The following PAK3 variants were observed in gnomAD, a reference collection of about 807,000 sequenced individuals.
PAK3 encodes the protein p21 (RAC1) activated kinase 3, also known as serine/threonine-protein kinase PAK 3.
In PAK3, 4 loss-of-function variants were observed where a neutral mutation model predicts 41.0. The ratio of observed to expected loss-of-function variants is 0.10; its 90% CI spans 0.05 to 0.22. The LOEUF (loss-of-function observed/expected upper bound fraction) is 0.22. Among genes scored for constraint, PAK3 ranks in the 10% least tolerant of loss-of-function variants. PAK3 has a pLI of 1.00. For synonymous variants in PAK3, 146 were observed against 139.6 expected (o/e 1.05, Z -0.32); for missense variants, 205 against 409.9 (o/e 0.50, Z 4.32).
chrX:111,185,995 A>C (rs898451935), intron 11 of PAK3, among the ~76,000 whole-genome samples: 2 of 111,383 alleles, frequency 1.8e-5, no homozygotes, highest in Non-Finnish European at 3.8e-5. Flanking sequence ...TCAACATACA[A>C]AAATCAATAA....
At chrX:110,996,598 T>C (rs2091744376) in intron 1 of PAK3, among the ~76,000 whole-genome samples, 1 of 111,444 alleles carries the variant, frequency 9.0e-6, no homozygotes. Context: ...ATGGGATTAG[T>C]GCCTTGATAA....
intron 1 of PAK3, among the ~76,000 whole-genome samples, chrX:111,016,521 A>T (rs2092092350): frequency 9.0e-6 from 1 of 111,086 alleles, no homozygotes; most frequent in Non-Finnish European, 1.9e-5. Flanking sequence ...GTGTACATAT[A>T]TATGTGCACA....
intron 1 of PAK3, among the ~76,000 whole-genome samples, chrX:110,988,254 T>A (rs754704756): frequency 3.6e-5 from 4 of 111,877 alleles, no homozygotes; most frequent in Non-Finnish European, 7.5e-5. Flanking sequence ...TTGGAAACCA[T>A]TGGTGTAGAG....
chrX:110,950,083 G>T (rs1321982605), intron 1 of PAK3, among the ~76,000 whole-genome samples: 2 of 110,299 alleles, frequency 1.8e-5, no homozygotes, highest in Non-Finnish European at 3.8e-5. Flanking sequence ...GGGAGTGGGG[G>T]CTGGACATTG....
intron 1 of PAK3, among the ~76,000 whole-genome samples, chrX:111,068,264 T>C (rs1195389750): frequency 8.9e-6 from 1 of 111,781 alleles, no homozygotes; most frequent in Non-Finnish European, 1.9e-5. Context: ...TGTTTTTATC[T>C]TAATCTCTCC....
intron 1 of PAK3, among the ~76,000 whole-genome samples, chrX:111,029,020 C>T (rs904976614): frequency 1.8e-5 from 2 of 111,115 alleles, no homozygotes; most frequent in Non-Finnish European, 3.8e-5. Flanking sequence ...TCCTGTAATC[C>T]CAGCTATTTG....
chrX:111,094,062 A>G (rs1483699231), upstream of PAK3, among the ~76,000 whole-genome samples: 3 of 110,740 alleles, frequency 2.7e-5, no homozygotes, highest in Non-Finnish European at 5.7e-5. Context: ...GTAGAAAAAA[A>G]CCAGTGGGAT....
chrX:111,078,322 G>A (rs1304624874), intron 1 of PAK3, among the ~76,000 whole-genome samples: 1 of 107,233 alleles, frequency 9.3e-6, no homozygotes, highest in Non-Finnish European at 1.9e-5. Flanking sequence ...CATACATCAA[G>A]TCATTCAGCA....
chrX:111,220,945 C>CAAAAAAAAAAAAAAAACAAAAAAAAA lies in PAK3; in HGVS notation c.*514_*515insCAAAAAAAAAAAAAAAAAAAAAAAAA, dbSNP rs2094923339. The stretch of plus-strand genomic sequence containing the variant: ...AAAAAAGAAAGCAAAAAAAGCAAGG[C>CAAAAAAAAAAAAAAAACAAAAAAAAA]AAAAAAAAAAAAAAAAACAAACAAA... On this transcript the variant is annotated 3_prime_UTR_variant, in exon 18 of 18. Transcript: ENST00000372007. 2 of 49,447 alleles carry CAAAAAAAAAAAAAAAACAAAAAAAAA rather than the reference C, an allele frequency of 4.0e-5. No individual in the cohort carries two copies. Among genetic ancestry groups the CAAAAAAAAAAAAAAAACAAAAAAAAA allele is most frequent in the Admixed American group, 2.5e-4 (1 of 3,951 alleles). 4.1% of individuals were successfully genotyped at this position (49,447 alleles called of 1,213,427 possible).
chrX:111,034,246 G>T (rs1343722857), intron 1 of PAK3, among the ~76,000 whole-genome samples: 1 of 110,592 alleles, frequency 9.0e-6, no homozygotes, highest in African/African-American at 3.3e-5. Context: ...GGGGTTGGGG[G>T]TCGGGGAAAG....
chrX:111,138,299 G>A (rs961790928), intron 5 of PAK3, among the ~76,000 whole-genome samples: 23 of 111,346 alleles, frequency 2.1e-4, no homozygotes, highest in African/African-American at 6.8e-4. Context: ...TGTCCCATTC[G>A]TGATAGCTAT....
chrX:111,031,979 G>T (rs2092345644), intron 1 of PAK3, among the ~76,000 whole-genome samples: 1 of 112,024 alleles, frequency 8.9e-6, no homozygotes, highest in Non-Finnish European at 1.9e-5. Flanking sequence ...AATTACAGTA[G>T]TTATGAGACC....
At chrX:111,172,954 T>G in intron 10 of PAK3, 64 bp from the exon 11 acceptor site, 1 of 584,184 alleles carries the variant, frequency 1.7e-6, no homozygotes, top group Non-Finnish European at 2.9e-6. Context: ...CAATTTCTAT[T>G]TCTCTCTCTC....
At chrX:111,109,228 T>C (rs1243809426) in intron 4 of PAK3, among the ~76,000 whole-genome samples, 2 of 112,201 alleles carry the variant, frequency 1.8e-5, no homozygotes, top group African/African-American at 3.2e-5. Flanking sequence ...TGAAAGTGTT[T>C]AGCAAAATGT....
At chrX:110,975,980 A>C (rs907998755) in intron 1 of PAK3, among the ~76,000 whole-genome samples, 12 of 112,242 alleles carry the variant, frequency 1.1e-4, no homozygotes, top group African/African-American at 3.2e-4. Context: ...TAAAGACTTA[A>C]ATGTTAGACC....
chrX:111,160,152 T>A (rs1468571905), intron 8 of PAK3, among the ~76,000 whole-genome samples: 1 of 111,445 alleles, frequency 9.0e-6, no homozygotes, highest in Non-Finnish European at 1.9e-5. Flanking sequence ...ACAAAATAAA[T>A]ACACAAAAAC....
At chrX:111,063,159 T>G (rs1319856479) in intron 1 of PAK3, among the ~76,000 whole-genome samples, 1 of 112,160 alleles carries the variant, frequency 8.9e-6, no homozygotes, top group Non-Finnish European at 1.9e-5. Context: ...TGTAGTCAAA[T>G]GGAAGAACTG....
chrX:111,192,038 TC>T, intron 11 of PAK3, 88 bp from the exon 12 acceptor site: 1 of 570,147 alleles, frequency 1.8e-6, no homozygotes, highest in Non-Finnish European at 3.0e-6. Flanking sequence ...CTAATTTTCC[TC>T]CCCTCAAAAT....
chrX:111,113,223 C>G (rs968759150), intron 4 of PAK3, among the ~76,000 whole-genome samples: 2 of 111,944 alleles, frequency 1.8e-5, no homozygotes, highest in South Asian at 3.8e-4. Flanking sequence ...CCTTCCTGCT[C>G]TGTCCCTCCA....
Sources: gnomAD v4.1 joint callset for allele counts (sites outside exome capture counted in the v4.1 genomes callset) on GRCh38, gnomAD v4.1.1 for gene constraint, MANE v1.5 for transcripts, NCBI Gene and HGNC (gene_info 2026-07-23, HGNC 2026-07-21) for gene names.